Variants in PREP observed in about 807,000 individuals in gnomAD.
The protein encoded by PREP is dJ355L5.1 (prolyl endopeptidase).
In PREP, 29 loss-of-function variants were observed where a neutral mutation model predicts 87.6. That is an observed-to-expected ratio of 0.33 (90% CI 0.25 to 0.45). The LOEUF (loss-of-function observed/expected upper bound fraction) is 0.45, where lower values mean the gene tolerates loss of function less well. Among genes scored for constraint, PREP ranks in the 20% least tolerant of loss-of-function variants. PREP has a pLI of 1.00. For missense variants in PREP, 695 were observed against 886.5 expected (o/e 0.78, Z 2.74); for synonymous variants, 337 against 328.6 (o/e 1.03, Z -0.28).
intron 10 of PREP, among the ~76,000 whole-genome samples, chr6:105,313,274 C>T (rs553536734): frequency 3.9e-5 from 6 of 152,246 alleles, no homozygotes; most frequent in Admixed American, 2.0e-4. Context: ...ACTCACCCAT[C>T]ACCCGTCGAC....
At chr6:105,357,275 G>A (rs1772123638) in intron 6 of PREP, among the ~76,000 whole-genome samples, 1 of 152,106 alleles carries the variant, frequency 6.6e-6, no homozygotes, top group Non-Finnish European at 1.5e-5. Context: ...CATAAATGAT[G>A]GCTAATTCAG....
At chr6:105,331,350 T>C (rs931393786) in intron 8 of PREP, among the ~76,000 whole-genome samples, 1 of 152,224 alleles carries the variant, frequency 6.6e-6, no homozygotes, top group African/African-American at 2.4e-5. Flanking sequence ...TTGCATTTCA[T>C]TACATCTATA....
Position 105,327,397 on chromosome 6 carries a change from G to T in PREP, c.1213+1432C>A, listed in dbSNP as rs555890230. Among the ~76,000 whole-genome samples, 67 of 152,270 alleles carry T rather than the reference G, an allele frequency of 4.4e-4. 1 individual carries two copies. In the South Asian group the frequency reaches 0.014, roughly 31 times the overall value. ...CCTTGCATGGTTTCCACATTCTTGTGGGTGCTTTTCCTAGCTTCTCTTGAT... is the reference window on the plus strand; with the variant it reads ...CCTTGCATGGTTTCCACATTCTTGTTGGTGCTTTTCCTAGCTTCTCTTGAT... On this transcript the variant is annotated intron_variant, in intron 9 of 14. Coordinates refer to ENST00000652536, the MANE Select transcript of PREP (RefSeq NM_002726.5).
At chr6:105,338,823 G>A (rs117979970) in intron 7 of PREP, among the ~76,000 whole-genome samples, 8,455 of 152,298 alleles carry the variant, frequency 0.056, 273 homozygotes, top group Middle Eastern at 0.095. Context: ...ACTGCAAGGC[G>A]GAAGCGAGGC....
At chr6:105,332,104 A>G (rs368045863) in intron 8 of PREP, among the ~76,000 whole-genome samples, 48 of 152,302 alleles carry the variant, frequency 3.2e-4, no homozygotes, top group Middle Eastern at 3.4e-3. Flanking sequence ...AACTGCCTAC[A>G]GGGGTGTGGA....
intron 10 of PREP, among the ~76,000 whole-genome samples, chr6:105,306,216 C>T (rs547807528): frequency 7.9e-5 from 12 of 152,114 alleles, no homozygotes; most frequent in South Asian, 6.2e-4. Flanking sequence ...ATCATGTTCA[C>T]GAAAGATCTA....
intron 6 of PREP, among the ~76,000 whole-genome samples, chr6:105,365,773 G>A (rs1199633346): frequency 2.0e-5 from 3 of 152,060 alleles, no homozygotes; most frequent in African/African-American, 4.8e-5. Context: ...TCTTGTTTAC[G>A]GAGCCCACGA....
Position 105,277,903 on chromosome 6 carries a change from TA to T in PREP, c.*240del, listed in dbSNP as rs571897770. 0.011 allele frequency: 6,297 copies of T among 555,444 alleles called. 64 individuals are homozygous for T. Among genetic ancestry groups the T allele is most frequent in the Non-Finnish European group, 0.014 (4,495 of 319,172 alleles). 34.4% of individuals were successfully genotyped at this position (555,444 alleles called of 1,614,324 possible). A position where few individuals can be genotyped will look rare whatever the true frequency, so the allele number is the denominator to read the frequency against. On this transcript the variant is annotated 3_prime_UTR_variant, in exon 15 of 15. Coordinates refer to ENST00000652536, the MANE Select transcript of PREP (RefSeq NM_002726.5). ...TTAGCTATTTATCCCAACATGCCCTTAAAAAAAACACCAAAAAACCACATGT... is the reference window on the plus strand; with the variant it reads ...TTAGCTATTTATCCCAACATGCCCTTAAAAAAACACCAAAAAACCACATGT...
intron 7 of PREP, among the ~76,000 whole-genome samples, chr6:105,347,522 T>C (rs1204034705): frequency 6.6e-6 from 1 of 152,214 alleles, no homozygotes; most frequent in African/African-American, 2.4e-5. Context: ...AATAAAATTA[T>C]TTAGAAATGT....
Position 105,373,358 on chromosome 6 carries a change from T to C in PREP, c.595+11A>G. 1 of 1,612,834 alleles carries C rather than the reference T, an allele frequency of 6.2e-7. No individual in the cohort carries two copies. The highest frequency in any genetic ancestry group is 1.1e-5 in the South Asian group (1 of 91,042). On this transcript the variant is annotated intron_variant, in intron 5 of 14. Coordinates refer to ENST00000652536, the MANE Select transcript of PREP (RefSeq NM_002726.5). ...TGTGAAAAATGTGCTTCATCTGAAG[T>C]CTTCACTCACCATCACTTTTTCCAT...
chr6:105,319,936 A>C (rs1583053073), intron 10 of PREP, among the ~76,000 whole-genome samples: 1 of 152,196 alleles, frequency 6.6e-6, no homozygotes, highest in East Asian at 1.9e-4. Context: ...TTGTATTCAA[A>C]CAGTACCTGG....
intron 10 of PREP, among the ~76,000 whole-genome samples, chr6:105,294,626 A>T (rs1272062519): frequency 6.6e-6 from 1 of 152,160 alleles, no homozygotes; most frequent in Admixed American, 6.5e-5. Context: ...AAAGAAGGCG[A>T]GCTGCATAAT....
chr6:105,359,163 C>T (rs960062690), intron 6 of PREP, among the ~76,000 whole-genome samples: 2 of 152,222 alleles, frequency 1.3e-5, no homozygotes, highest in African/African-American at 4.8e-5. Flanking sequence ...CTACCAAGTG[C>T]TGGCTGCTGA....
chr6:105,336,032 T>C (rs575553420), intron 7 of PREP, among the ~76,000 whole-genome samples: 16 of 152,300 alleles, frequency 1.1e-4, no homozygotes, highest in African/African-American at 3.8e-4. Flanking sequence ...CCGAGGCAGG[T>C]GGATCACTTG....
At chr6:105,323,081 A>T in intron 10 of PREP, 1 of 1,304,192 alleles carries the variant, frequency 7.7e-7, no homozygotes. Context: ...CCAGTGATTC[A>T]GTTTCTGGAA....
In PREP at chr6:105,368,955, T is replaced by C. The variant is rs1483552167; in HGVS notation, c.665A>G (p.Asp222Gly). The C allele has an allele frequency of 5.0e-6, 8 of 1,613,924 alleles. No homozygotes were observed. Among genetic ancestry groups the C allele is most frequent in the Admixed American group, 1.7e-5 (1 of 60,006 alleles). Residue 222 changes from aspartate (D) to glycine (G), a missense_variant, in exon 6 of 15, where the codon GAT becomes GGT. Asp to Gly is a moderately conservative substitution (Grantham distance 94). Transcript: ENST00000652536. ...YHVLGTDQSE[D>G]ILCAEFPDEP... ...ATCAGGAAACTCAGCACACAAAATA[T>C]CTTCTGACTGATCGGTTCCCAAGAC...
intron 10 of PREP, among the ~76,000 whole-genome samples, chr6:105,314,547 T>C (rs991949801): frequency 4.6e-5 from 7 of 152,222 alleles, no homozygotes; most frequent in Non-Finnish European, 1.0e-4. Flanking sequence ...ACCAATTTCT[T>C]TGCTCATTCA....
chr6:105,281,552 T>C (rs1201330298), intron 14 of PREP, 194 bp downstream of exon 14: 1 of 623,900 alleles, frequency 1.6e-6, no homozygotes, highest in African/African-American at 1.9e-5. Flanking sequence ...TACCACATTT[T>C]TTGTAGTTTG....
chr6:105,371,768 T>C (rs1477325591), intron 5 of PREP, among the ~76,000 whole-genome samples: 1 of 152,170 alleles, frequency 6.6e-6, no homozygotes, highest in Non-Finnish European at 1.5e-5. Flanking sequence ...CTTAGCTTCA[T>C]TTGTAAGGCT....
Sources: allele counts gnomAD v4.1 joint callset (sites outside exome capture counted in the v4.1 genomes callset), GRCh38; gene constraint gnomAD v4.1.1; transcripts MANE v1.5; gene names NCBI Gene and HGNC (gene_info 2026-07-23, HGNC 2026-07-21).